The following UNC13C variants were observed in gnomAD, a reference collection of about 807,000 sequenced individuals.
UNC13C encodes the protein protein unc-13 homolog C.
Under a neutral mutation model 245.4 loss-of-function variants are expected in UNC13C, and 174 were observed. That is an observed-to-expected ratio of 0.71 (90% CI 0.63 to 0.80). UNC13C has a LOEUF of 0.80. UNC13C is among the 30% of genes least tolerant of loss of function. UNC13C has a pLI of 0.00. For synonymous variants in UNC13C, 992 were observed against 895.1 expected, an observed-to-expected ratio of 1.11 and a Z score of -1.93; for missense variants, 2,829 against 2,602.9, an observed-to-expected ratio of 1.09 and a Z score of -1.89.
At chr15:53,964,722 C>A in the UNC13C span, among the ~76,000 whole-genome samples, 1 of 152,084 alleles carries the variant, frequency 6.6e-6, no homozygotes, top group Non-Finnish European at 1.5e-5. Context: ...ATATGAAATG[C>A]CACATTTAAA....
chr15:54,063,532 CACTT>C (rs1208126523), intron 2 of UNC13C, among the ~76,000 whole-genome samples: 2 of 152,094 alleles, frequency 1.3e-5, no homozygotes, highest in Admixed American at 1.3e-4. Context: ...TTAACATCCT[CACTT>C]ACTTCTCCCT....
intron 2 of UNC13C, among the ~76,000 whole-genome samples, chr15:54,025,782 A>G (rs1896083736): frequency 6.6e-6 from 1 of 152,184 alleles, no homozygotes; most frequent in African/African-American, 2.4e-5. Flanking sequence ...TCTTTCTCCC[A>G]TTTTACATGA....
intron 4 of UNC13C, among the ~76,000 whole-genome samples, chr15:54,232,988 C>A (rs1322920812): frequency 6.6e-6 from 1 of 152,084 alleles, no homozygotes; most frequent in Non-Finnish European, 1.5e-5. Flanking sequence ...AGGAGGGAAG[C>A]AAGAAGTTAC....
intron 2 of UNC13C, among the ~76,000 whole-genome samples, chr15:54,065,157 T>C (rs1049762535): frequency 2.6e-5 from 4 of 152,172 alleles, no homozygotes; most frequent in African/African-American, 9.7e-5. Context: ...ACTTTCTAGC[T>C]TGGATCAGAG....
At chr15:54,517,969 C>T (rs1001092481) in intron 24 of UNC13C, among the ~76,000 whole-genome samples, 19 of 152,112 alleles carry the variant, frequency 1.2e-4, no homozygotes, top group East Asian at 1.9e-4. Context: ...ATTTGGCTGA[C>T]GTCAGTAAAA....
At chr15:54,478,197 T>C (rs1013621496) in intron 19 of UNC13C, among the ~76,000 whole-genome samples, 40 of 151,038 alleles carry the variant, frequency 2.6e-4, no homozygotes, top group African/African-American at 9.7e-4. Context: ...GATTCTTCTC[T>C]CTTTTTTTCT....
chr15:54,112,604 A>T (rs1165354517), intron 2 of UNC13C, among the ~76,000 whole-genome samples: 1 of 152,176 alleles, frequency 6.6e-6, no homozygotes, highest in Non-Finnish European at 1.5e-5. Context: ...CTATTGTCAC[A>T]TCTGCCGACA....
chr15:54,007,998 A>G (rs1007489206), intron 1 of UNC13C, among the ~76,000 whole-genome samples: 2 of 152,296 alleles, frequency 1.3e-5, no homozygotes, highest in South Asian at 2.1e-4. Flanking sequence ...TGCCTTTAAT[A>G]AGGAACATAA....
chr15:54,280,581 T>A (rs779474848), intron 10 of UNC13C, among the ~76,000 whole-genome samples: 12 of 149,730 alleles, frequency 8.0e-5, no homozygotes, highest in Non-Finnish European at 1.2e-4. Flanking sequence ...AAAAACCCAT[T>A]GTCTCTCTCT....
chr15:54,325,999 A>G lies in UNC13C; in HGVS notation c.4425+3904A>G, dbSNP rs143327218. Among the ~76,000 whole-genome samples, 295 of 152,140 alleles carry G rather than the reference A, an allele frequency of 1.9e-3. 1 individual carries two copies. The highest frequency in any genetic ancestry group is 3.7e-3 in the Non-Finnish European group (251 of 67,974). On this transcript the variant is annotated intron_variant, in intron 14 of 32. Transcript: ENST00000260323. ...GGTTGTGAATTTCTCAGATGGGAGA[A>G]TAAGTGACTATAAGTACTATCTCAG...
chr15:54,036,452 A>T (rs1896581340), intron 2 of UNC13C, among the ~76,000 whole-genome samples: 1 of 152,212 alleles, frequency 6.6e-6, no homozygotes, highest in Non-Finnish European at 1.5e-5. Context: ...TAAAGCCATT[A>T]GGGACTGCAT....
At chr15:54,355,441 C>T (rs8043051) in intron 17 of UNC13C, among the ~76,000 whole-genome samples, 71,079 of 151,834 alleles carry the variant, frequency 0.47, 16,995 homozygotes, top group East Asian at 0.74. Flanking sequence ...ACTGCAACCT[C>T]TGCCTCCCGG....
At chr15:54,187,525 A>C (rs1221281149) in intron 4 of UNC13C, among the ~76,000 whole-genome samples, 1 of 152,168 alleles carries the variant, frequency 6.6e-6, no homozygotes, top group Non-Finnish European at 1.5e-5. Flanking sequence ...GTTTCTCTAC[A>C]GCTGGCCCAT....
intron 30 of UNC13C, among the ~76,000 whole-genome samples, chr15:54,586,956 A>G (rs1481257315): frequency 2.0e-5 from 3 of 152,206 alleles, no homozygotes; most frequent in Admixed American, 2.0e-4. Context: ...TAGGCCATCA[A>G]TCAATATTTA....
intron 4 of UNC13C, among the ~76,000 whole-genome samples, chr15:54,180,894 C>T (rs761157662): frequency 6.6e-6 from 1 of 151,934 alleles, no homozygotes; most frequent in Non-Finnish European, 1.5e-5. Flanking sequence ...TGATATTAGA[C>T]ATTTGTTGGA....
At chr15:54,321,893 T>G (rs2038169661) in intron 13 of UNC13C, 46 bp from the exon 14 acceptor site, 1 of 1,521,558 alleles carries the variant, frequency 6.6e-7, no homozygotes, top group South Asian at 1.2e-5. Context: ...TTGTATGAAT[T>G]AATTAATTTC....
chr15:54,550,506 T>C (rs975915087), intron 28 of UNC13C, among the ~76,000 whole-genome samples: 8 of 152,106 alleles, frequency 5.3e-5, no homozygotes, highest in Non-Finnish European at 8.8e-5. Flanking sequence ...TTAGGTGCCA[T>C]TGAGTATTGG....
At chr15:53,961,916 CCTT>C in the UNC13C span, among the ~76,000 whole-genome samples, 66 of 152,274 alleles carry the variant, frequency 4.3e-4, no homozygotes, top group Non-Finnish European at 7.2e-4. Context: ...ATTACAAACT[CCTT>C]CTCTACTCTT....
chr15:54,077,497 G>C (rs984541512), intron 2 of UNC13C, among the ~76,000 whole-genome samples: 14 of 144,346 alleles, frequency 9.7e-5, no homozygotes, highest in African/African-American at 3.6e-4. Flanking sequence ...TCCTGCCTCA[G>C]CCTCCCGAGT....
Sources: allele counts gnomAD v4.1 joint callset (sites outside exome capture counted in the v4.1 genomes callset), GRCh38; gene constraint gnomAD v4.1.1; transcripts MANE v1.5; gene names NCBI Gene and HGNC (gene_info 2026-07-23, HGNC 2026-07-21).